The following IGF2BP3 variants were observed in gnomAD, a reference collection of about 807,000 sequenced individuals.
IGF2BP3 encodes insulin-like growth factor 2 mRNA-binding protein 3.
IGF2BP3 carries 9 observed loss-of-function variants against 73.8 expected under a neutral mutation model. The ratio of observed to expected loss-of-function variants is 0.12; its 90% CI spans 0.07 to 0.21. IGF2BP3 has a LOEUF of 0.21. IGF2BP3 is among the 10% of genes least tolerant of loss of function. The pLI is 1.00. For missense variants in IGF2BP3, 542 were observed against 714.0 expected (o/e 0.76, Z 2.75); for synonymous variants, 258 against 256.7 (o/e 1.01, Z -0.05).
rs373682531 is a variant in IGF2BP3 at position 23,345,872 on chromosome 7, G to A, written c.941+68C>T. On this transcript the variant is annotated intron_variant, in intron 8 of 14. Transcript: ENST00000258729. ...AAGCAGCTGTAAAGTGGGAAGCTAA[G>A]CCCAATACACAACATGCAGCTTACA... The A allele has an allele frequency of 6.1e-4, 949 of 1,555,172 alleles. 12 individuals are homozygous for A. In the South Asian group the frequency reaches 0.011, roughly 17 times the overall value.
intron 10 of IGF2BP3, among the ~76,000 whole-genome samples, chr7:23,333,139 A>C (rs1784483618): frequency 6.6e-6 from 1 of 152,266 alleles, no homozygotes; most frequent in South Asian, 2.1e-4. Context: ...GTGAAGAAAT[A>C]AGAGCATAGG....
chr7:23,317,822 G>A, intron 11 of IGF2BP3, 109 bp from the exon 12 acceptor site: 1 of 893,672 alleles, frequency 1.1e-6, no homozygotes. Context: ...CAGAATTAAA[G>A]CCTTCGTGAA....
chr7:23,419,395 G>A (rs1787281677), intron 2 of IGF2BP3, among the ~76,000 whole-genome samples: 1 of 152,210 alleles, frequency 6.6e-6, no homozygotes, highest in Non-Finnish European at 1.5e-5. Flanking sequence ...ACATTAGACT[G>A]TTGGAGATCT....
In IGF2BP3 at chr7:23,372,419, C is replaced by T. The variant is rs569198054; in HGVS notation, c.286-10678G>A. Among the ~76,000 whole-genome samples, 5 of 152,148 alleles carry T rather than the reference C, an allele frequency of 3.3e-5. No individual in the cohort carries two copies. In the South Asian group the frequency reaches 1.0e-3, roughly 32 times the overall value. Reference sequence around the variant, plus strand: ...GGTGATTTCTGAGATTTTGGTGCACCCATCACCCAGGTAGTGTATACTGTA... The same window carrying T: ...GGTGATTTCTGAGATTTTGGTGCACTCATCACCCAGGTAGTGTATACTGTA... On this transcript the variant is annotated intron_variant, in intron 3 of 14. Transcript: ENST00000258729.
intron 3 of IGF2BP3, among the ~76,000 whole-genome samples, chr7:23,394,344 G>A (rs544031978): frequency 2.0e-4 from 30 of 152,244 alleles, no homozygotes; most frequent in Non-Finnish European, 3.2e-4. Flanking sequence ...GCACGTACCT[G>A]TAGTCCCAGC....
chr7:23,468,699 C>A (rs1211362105), intron 1 of IGF2BP3, among the ~76,000 whole-genome samples, 157 bp from the exon 2 acceptor site: 1 of 152,228 alleles, frequency 6.6e-6, no homozygotes, highest in Non-Finnish European at 1.5e-5. Flanking sequence ...GAAGCCGACC[C>A]CCTCGAGCGG....
At chr7:23,467,922 G>C (rs544618416) in intron 2 of IGF2BP3, 1 of 155,080 alleles carries the variant, frequency 6.4e-6, no homozygotes, top group East Asian at 1.9e-4. Flanking sequence ...GTAGAACTTC[G>C]GAGTGACTCA....
At chr7:23,359,263 G>GT (rs982576102) in intron 5 of IGF2BP3, among the ~76,000 whole-genome samples, 25 of 151,844 alleles carry the variant, frequency 1.6e-4, no homozygotes, top group Non-Finnish European at 2.8e-4. Context: ...TTAATGCTTT[G>GT]TTTTTTTGTT....
At chr7:23,334,343 G>A (rs937137846) in intron 10 of IGF2BP3, among the ~76,000 whole-genome samples, 2 of 152,064 alleles carry the variant, frequency 1.3e-5, no homozygotes, top group Non-Finnish European at 2.9e-5. Context: ...AAATAAAAAA[G>A]AAAAGAAATC....
At chr7:23,424,247 C>G (rs1787435062) in intron 2 of IGF2BP3, among the ~76,000 whole-genome samples, 1 of 152,074 alleles carries the variant, frequency 6.6e-6, no homozygotes, top group African/African-American at 2.4e-5. Flanking sequence ...GCCTGTAATC[C>G]CAGCACTTTG....
At chr7:23,363,789 T>C (rs907463861) in intron 3 of IGF2BP3, among the ~76,000 whole-genome samples, 1 of 152,212 alleles carries the variant, frequency 6.6e-6, no homozygotes, top group African/African-American at 2.4e-5. Flanking sequence ...CTGGTATATC[T>C]TATAGGAAGA....
rs193031967 is a variant in IGF2BP3, at chr7:23,354,991, C to T, written c.402-3405G>A. ...TCCTAAATTACTGAATTTAAGTCAA[C>T]TACTAGAATCTTTCTAGGCACAAAG... On this transcript the variant is annotated intron_variant, in intron 5 of 14. Coordinates refer to ENST00000258729, the MANE Select transcript of IGF2BP3 (RefSeq NM_006547.3). Among the ~76,000 whole-genome samples, 205 of 152,252 alleles carry T rather than the reference C, an allele frequency of 1.3e-3. 5 individuals carry two copies. The South Asian group carries it at 0.013, about 10-fold the overall frequency.
At chr7:23,456,055 T>C (rs1026668207) in intron 2 of IGF2BP3, among the ~76,000 whole-genome samples, 54 of 152,168 alleles carry the variant, frequency 3.5e-4, no homozygotes, top group African/African-American at 1.3e-3. Context: ...ACTTAATCTA[T>C]GCTTGTTAAA....
intron 3 of IGF2BP3, among the ~76,000 whole-genome samples, chr7:23,399,531 G>A (rs1280242625): frequency 2.6e-5 from 4 of 152,098 alleles, no homozygotes; most frequent in African/African-American, 9.6e-5. Context: ...CAGTTCTCAT[G>A]ACAACCTTGA....
intron 3 of IGF2BP3, among the ~76,000 whole-genome samples, chr7:23,378,575 T>TC (rs1211371586): frequency 1.5e-5 from 2 of 131,862 alleles, no homozygotes; most frequent in African/African-American, 6.1e-5. Context: ...GCTTGTTTTT[T>TC]TTTTTTTTTT....
At chr7:23,358,607 A>C (rs1044247074) in intron 5 of IGF2BP3, among the ~76,000 whole-genome samples, 6 of 152,348 alleles carry the variant, frequency 3.9e-5, no homozygotes, top group Non-Finnish European at 5.9e-5. Context: ...ACCAAAGCTC[A>C]GAAGTCAAGG....
chr7:23,341,755 T>TA (rs938204064), intron 10 of IGF2BP3, among the ~76,000 whole-genome samples: 7 of 134,002 alleles, frequency 5.2e-5, no homozygotes, highest in South Asian at 2.3e-4. Flanking sequence ...GAACTTAGAA[T>TA]AAAAAAAAAA....
chr7:23,362,213 AC>A (rs1785246378), intron 3 of IGF2BP3, among the ~76,000 whole-genome samples: 1 of 152,018 alleles, frequency 6.6e-6, no homozygotes, highest in African/African-American at 2.4e-5. Context: ...GGAGTTCGAG[AC>A]CAGCCTGGTC....
Position 23,351,262 on chromosome 7 carries a change from G to A in IGF2BP3, c.683+43C>T, listed in dbSNP as rs1264162148. 2.5e-6 allele frequency: 4 copies of A among 1,603,488 alleles called. No homozygotes were observed. The Admixed American group carries it at 6.8e-5, about 27-fold the overall frequency. ...CGACACACTGTTACTAAGATTCCAA[G>A]GGGAATTCTCATGAACACCCACCAC... On this transcript the variant is annotated intron_variant, in intron 6 of 14. Transcript: ENST00000258729.
Sources: allele counts gnomAD v4.1 joint callset (sites outside exome capture counted in the v4.1 genomes callset), GRCh38; gene constraint gnomAD v4.1.1; transcripts MANE v1.5; gene names NCBI Gene and HGNC (gene_info 2026-07-23, HGNC 2026-07-21).